Variants in AGAP1 observed in about 807,000 individuals in gnomAD.
AGAP1 encodes the protein ArfGAP with GTPase domain, ankyrin repeat and PH domain 1, also known as arf-GAP with GTPase, ANK repeat and PH domain-containing protein 1.
A neutral mutation model predicts 105.3 loss-of-function variants in AGAP1; 29 were observed. The observed-to-expected ratio is 0.28, with a 90% confidence interval of 0.21 to 0.38. The LOEUF (loss-of-function observed/expected upper bound fraction) is 0.38. Ranked by LOEUF, AGAP1 falls within the 10% of genes least tolerant of loss-of-function variation. The pLI, the probability that AGAP1 is intolerant of heterozygous loss-of-function variation, is 1.00. For synonymous variants in AGAP1, 509 were observed against 485.9 expected, an observed-to-expected ratio of 1.05 and a Z score of -0.63; for missense variants, 998 against 1,165.1, an observed-to-expected ratio of 0.86 and a Z score of 2.09.
In AGAP1 at chr2:236,038,291, C is replaced by T. The variant is rs115553771; in HGVS notation, c.1800+1576C>T. On this transcript the variant is annotated intron_variant, in intron 14 of 17. Coordinates refer to ENST00000304032, the MANE Select transcript of AGAP1 (RefSeq NM_001037131.3). This position sits in a 1 kb window ranked among gnomAD's most constrained non-coding sequence, Gnocchi z 4.5. Reference sequence around the variant, plus strand: ...CATTCTGAGAAGGAAGGCAGGGAGGCAGGCTGTGTTACCGAACAGAGAGGC... The same window carrying T: ...CATTCTGAGAAGGAAGGCAGGGAGGTAGGCTGTGTTACCGAACAGAGAGGC... 0.011 allele frequency among the ~76,000 whole-genome samples: 1,631 copies of T among 152,296 alleles called. 37 individuals carry two copies. The highest frequency in any genetic ancestry group is 0.038 in the African/African-American group (1,563 of 41,554).
rs1234018967 is a variant in AGAP1 at position 235,608,103 on chromosome 2, G to A, written c.164-101076G>A. ...GGTTGGCATCGTCTGCACGTTGACC[G>A]GGTCGTTTTTAGCTTTGCCCACTTT... is the stretch of plus-strand genomic sequence containing the variant. On this transcript the variant is annotated intron_variant, in intron 1 of 17. Transcript: ENST00000304032. This position sits in a 1 kb window ranked among gnomAD's most constrained non-coding sequence, Gnocchi z 5.4. 1.3e-5 allele frequency among the ~76,000 whole-genome samples: 2 copies of A among 152,136 alleles called. No homozygotes were observed. The highest frequency in any genetic ancestry group is 2.4e-5 in the African/African-American group (1 of 41,434).
chr2:235,607,879 G>T (rs1559285625), intron 1 of AGAP1, among the ~76,000 whole-genome samples: 2 of 152,210 alleles, frequency 1.3e-5, no homozygotes, highest in Non-Finnish European at 2.9e-5. Context: ...TTAAAGGATA[G>T]ATAATATCTA....
chr2:235,506,136 G>A (rs1040473117), intron 1 of AGAP1, among the ~76,000 whole-genome samples: 5 of 151,978 alleles, frequency 3.3e-5, no homozygotes, highest in African/African-American at 1.2e-4. Context: ...TCACCACGTT[G>A]GCCAGGCCGG....
chr2:235,932,879 G>A (rs191868928), intron 12 of AGAP1, among the ~76,000 whole-genome samples: 167 of 152,314 alleles, frequency 1.1e-3, no homozygotes, highest in Non-Finnish European at 2.0e-3. Flanking sequence ...TTGTCTGCAC[G>A]CATGCATTTG....
intron 6 of AGAP1, chr2:235,776,877 C>G (rs1020354015): frequency 6.4e-6 from 3 of 469,886 alleles, no homozygotes; most frequent in African/African-American, 6.0e-5. Flanking sequence ...TCTCCTAGCC[C>G]TTTCTTGGCT....
intron 1 of AGAP1, among the ~76,000 whole-genome samples, chr2:235,598,958 T>C (rs952951993): frequency 6.6e-6 from 1 of 152,248 alleles, no homozygotes; most frequent in African/African-American, 2.4e-5. Context: ...TTTAAATATT[T>C]GGCTGGGCAG....
chr2:235,732,400 T>C lies in AGAP1; in HGVS notation c.311-8563T>C, dbSNP rs2149615048. The stretch of plus-strand genomic sequence containing the variant: ...CCCAAATGCCGTTTTGATCCTCAGA[T>C]CTGGACGTTTCCATTTTATCTCATA... On this transcript the variant is annotated intron_variant, in intron 3 of 17. Transcript: ENST00000304032. This position sits in a 1 kb window ranked among gnomAD's most constrained non-coding sequence, Gnocchi z 4.8. Among the ~76,000 whole-genome samples the C allele has an allele frequency of 6.6e-6, 1 of 152,330 alleles. No individual in the cohort carries two copies. The highest frequency in any genetic ancestry group is 2.4e-5 in the African/African-American group (1 of 41,586).
chr2:235,979,411 G>A lies in AGAP1; in HGVS notation c.1645+10788G>A, dbSNP rs944014135. On this transcript the variant is annotated intron_variant, in intron 13 of 17. Transcript: ENST00000304032. This position sits in a 1 kb window ranked among gnomAD's most constrained non-coding sequence, Gnocchi z 4.5. ...CCTGTCTCGCCTGGCTGCGGGGTCC[G>A]ATCATAGTTACTGACTCGCGCTCAT... is the stretch of plus-strand genomic sequence containing the variant. Among the ~76,000 whole-genome samples, 6 of 152,164 alleles carry A rather than the reference G, an allele frequency of 3.9e-5. No homozygotes were observed. The highest frequency in any genetic ancestry group is 8.8e-5 in the Non-Finnish European group (6 of 68,034).
rs2059850155 is a variant in AGAP1, at chr2:236,119,493, C to T, written c.2115-699C>T. 6.6e-6 allele frequency among the ~76,000 whole-genome samples: 1 copy of T among 152,132 alleles called. No homozygotes were observed. The highest frequency in any genetic ancestry group is 1.5e-5 in the Non-Finnish European group (1 of 68,026). On this transcript the variant is annotated intron_variant, in intron 16 of 17. Coordinates refer to ENST00000304032, the MANE Select transcript of AGAP1 (RefSeq NM_001037131.3). The surrounding 1 kb of genome is among the most constrained non-coding windows in gnomAD (Gnocchi z 6.6). ...AAAGGGTTTGGAGACCCTGGGGAGT[C>T]CACACACACCCCCTATTTCGGAGTT...
chr2:235,571,997 C>CA (rs1944539672), intron 1 of AGAP1, among the ~76,000 whole-genome samples: 1 of 121,362 alleles, frequency 8.2e-6, no homozygotes, highest in South Asian at 2.8e-4. Context: ...CACACACACA[C>CA]ACACACTTTT....
chr2:235,662,987 T>C lies in AGAP1; in HGVS notation c.164-46192T>C, dbSNP rs1948010887. Reference sequence around the variant, plus strand: ...GCTCCCAGCAGCCCCTGATGTGTTTTCCTTCAAGCCTGGGGAACACCGAGC... The same window carrying C: ...GCTCCCAGCAGCCCCTGATGTGTTTCCCTTCAAGCCTGGGGAACACCGAGC... On this transcript the variant is annotated intron_variant, in intron 1 of 17. Transcript: ENST00000304032. This position sits in a 1 kb window ranked among gnomAD's most constrained non-coding sequence, Gnocchi z 4.2. 6.6e-6 allele frequency among the ~76,000 whole-genome samples: 1 copy of C among 152,182 alleles called. No individual in the cohort carries two copies. Among genetic ancestry groups the C allele is most frequent in the Admixed American group, 6.5e-5 (1 of 15,284 alleles).
Position 235,729,260 on chromosome 2 carries a change from A to G in AGAP1, c.310+11616A>G, listed in dbSNP as rs1951814099. Among the ~76,000 whole-genome samples the G allele has an allele frequency of 6.6e-6, 1 of 152,168 alleles. No homozygotes were observed. Among genetic ancestry groups the G allele is most frequent in the African/African-American group, 2.4e-5 (1 of 41,408 alleles). ...GGAGCCGCATCCGCTTATTGGGCCTAAGAAAAACTGATTCCCAGGTGTGTT... is the reference window on the plus strand; with the variant it reads ...GGAGCCGCATCCGCTTATTGGGCCTGAGAAAAACTGATTCCCAGGTGTGTT... On this transcript the variant is annotated intron_variant, in intron 3 of 17. Coordinates refer to ENST00000304032, the MANE Select transcript of AGAP1 (RefSeq NM_001037131.3). The surrounding 1 kb of genome is among the most constrained non-coding windows in gnomAD (Gnocchi z 5.0).
chr2:235,888,381 C>T lies in AGAP1; in HGVS notation c.1155+4932C>T, dbSNP rs1326001421. On this transcript the variant is annotated intron_variant, in intron 10 of 17. Transcript: ENST00000304032. The surrounding 1 kb of genome is among the most constrained non-coding windows in gnomAD (Gnocchi z 4.8). ...GTGTGGGATAGGAGGGTCTAGAAGG[C>T]TCGACTCCCCTCCTAGGGCTGCTCC... Among the ~76,000 whole-genome samples the T allele has an allele frequency of 6.6e-6, 1 of 151,994 alleles. No individual in the cohort carries two copies. The highest frequency in any genetic ancestry group is 2.4e-5 in the African/African-American group (1 of 41,402).
chr2:235,566,703 T>A lies in AGAP1; in HGVS notation c.163+71854T>A. On this transcript the variant is annotated intron_variant, in intron 1 of 17. Coordinates refer to ENST00000304032, the MANE Select transcript of AGAP1 (RefSeq NM_001037131.3). The surrounding 1 kb of genome is among the most constrained non-coding windows in gnomAD (Gnocchi z 5.2). ...GGCTGTTCGAGGAACACAGGATGCA[T>A]ATTCAGGCAGGAAGTTGTTGGGGTT... 1.4e-6 allele frequency: 1 copy of A among 727,580 alleles called. No homozygotes were observed. 45.1% of individuals were successfully genotyped at this position (727,580 alleles called of 1,614,324 possible).
At position 236,119,506 on chromosome 2, in the gene AGAP1, CT is replaced by C. The variant is rs1221978316; in HGVS notation, c.2115-685del. Among the ~76,000 whole-genome samples the C allele has an allele frequency of 2.0e-5, 3 of 152,172 alleles. No individual in the cohort carries two copies. The highest frequency in any genetic ancestry group is 7.2e-5 in the African/African-American group (3 of 41,452). On this transcript the variant is annotated intron_variant, in intron 16 of 17. Transcript: ENST00000304032. The surrounding 1 kb of genome is among the most constrained non-coding windows in gnomAD (Gnocchi z 6.6). ...ACCCTGGGGAGTCCACACACACCCC[CT>C]ATTTCGGAGTTTGAAGCTAAAAGCA...
rs996823166 is a variant in AGAP1 at position 236,056,503 on chromosome 2, A to G, written c.2114+7222A>G. Among the ~76,000 whole-genome samples the G allele has an allele frequency of 9.2e-5, 14 of 152,326 alleles. No individual in the cohort carries two copies. The South Asian group carries it at 2.5e-3, about 27-fold the overall frequency. ...CCTGACCACGTTCAAGCCTGTGTCT[A>G]CTTGTGGGAGTGTATGAAGGAATGG... On this transcript the variant is annotated intron_variant, in intron 16 of 17. Transcript: ENST00000304032. The surrounding 1 kb of genome is among the most constrained non-coding windows in gnomAD (Gnocchi z 4.6).
At position 235,894,216 on chromosome 2, in the gene AGAP1, G is replaced by C. The variant is rs191249054; in HGVS notation, c.1155+10767G>C. On this transcript the variant is annotated intron_variant, in intron 10 of 17. Coordinates refer to ENST00000304032, the MANE Select transcript of AGAP1 (RefSeq NM_001037131.3). ...AATATGAACCGCAACGGGTATTTCT[G>C]CAAGTTTCTAAGACTGGCAGGAGTC... Among the ~76,000 whole-genome samples the C allele has an allele frequency of 1.3e-4, 20 of 152,336 alleles. No homozygotes were observed. In the East Asian group the frequency reaches 3.7e-3, roughly 28 times the overall value.
intron 1 of AGAP1, among the ~76,000 whole-genome samples, chr2:235,695,385 C>A (rs1014994785): frequency 6.6e-6 from 1 of 152,210 alleles, no homozygotes; most frequent in Non-Finnish European, 1.5e-5. Context: ...ATCCCCTACC[C>A]CCGTCCCTCA....
chr2:235,653,187 C>G (rs930719682), intron 1 of AGAP1, among the ~76,000 whole-genome samples: 2 of 152,100 alleles, frequency 1.3e-5, no homozygotes, highest in East Asian at 1.9e-4. Context: ...ACATTCCGGC[C>G]GGGCGCAGTG....
Sources: gnomAD v4.1 joint callset for allele counts (sites outside exome capture counted in the v4.1 genomes callset) on GRCh38, gnomAD v4.1.1 for gene constraint, Gnocchi (gnomAD v3.1) non-coding constraint, MANE v1.5 for transcripts, NCBI Gene and HGNC (gene_info 2026-07-23, HGNC 2026-07-21) for gene names.